The following MACROH2A1 variants were observed in gnomAD, a reference collection of about 807,000 sequenced individuals.
MACROH2A1 encodes the protein macroH2A.1 histone, also known as core histone macro-H2A.1.
In MACROH2A1, 2 loss-of-function variants were observed where a neutral mutation model predicts 31.6. That is an observed-to-expected ratio of 0.06 (90% confidence interval 0.03 to 0.20). The LOEUF is 0.20. Among genes scored for constraint, MACROH2A1 ranks in the 10% least tolerant of loss-of-function variants. MACROH2A1 has a pLI of 1.00. For missense variants in MACROH2A1, 230 were observed against 474.0 expected, an observed-to-expected ratio of 0.49 and a Z score of 4.78; for synonymous variants, 169 against 189.6, an observed-to-expected ratio of 0.89 and a Z score of 0.89.
chr5:135,391,149 T>C (rs1202507359), intron 1 of MACROH2A1, among the ~76,000 whole-genome samples: 1 of 152,210 alleles, frequency 6.6e-6, no homozygotes, highest in Non-Finnish European at 1.5e-5. Flanking sequence ...AAATGATATG[T>C]GTATATGTAT....
rs1762709307 is a variant in MACROH2A1, at chr5:135,360,548, A to G, written c.537T>C (p.Pro179=). The change falls in exon 5 of 9, where the codon CCT becomes CCC. Residue 179 remains proline, a synonymous_variant. Transcript: ENST00000511689. ...TGGAGAGGACTGTGAAGCCGTCGGC[A>G]GGTGTGCCCTCGGTTGTGCTGTCGG... is the stretch of plus-strand genomic sequence containing the variant. ...ASADSTTEGT[P]ADGFTVLSTK... 1.2e-6 allele frequency: 2 copies of G among 1,613,970 alleles called. No homozygotes were observed. Among genetic ancestry groups the G allele is most frequent in the African/African-American group, 2.7e-5 (2 of 74,918 alleles).
At position 135,369,010 on chromosome 5, in the gene MACROH2A1, C is replaced by T. The variant is rs1763857612; in HGVS notation, c.477+396G>A. Among the ~76,000 whole-genome samples the T allele has an allele frequency of 6.6e-6, 1 of 152,258 alleles. No individual in the cohort carries two copies. The highest frequency in any genetic ancestry group is 2.4e-5 in the African/African-American group (1 of 41,462). ...CCATGGCAACATGAGAGTTCTGCAA[C>T]TGAGCATCAGGGCATGCAGGTAGCT... On this transcript the variant is annotated intron_variant, in intron 4 of 8. Transcript: ENST00000511689. The surrounding 1 kb of genome is among the most constrained non-coding windows in gnomAD (Gnocchi z 4.3).
intron 8 of MACROH2A1, among the ~76,000 whole-genome samples, chr5:135,335,660 G>GCAGGGTGTGGCC (rs1398110873): frequency 2.6e-5 from 4 of 152,202 alleles, no homozygotes. Flanking sequence ...CACCCCAGAG[G>GCAGGGTGTGGCC]CCAGAACGCA....
At chr5:135,337,991 G>T (rs1581109593) in intron 8 of MACROH2A1, 19 of 1,202,520 alleles carry the variant, frequency 1.6e-5, no homozygotes, top group Non-Finnish European at 2.0e-5. Context: ...GACTGCGCAG[G>T]CTGCCAGGAA....
intron 6 of MACROH2A1, chr5:135,351,415 A>G (rs2149771132): frequency 6.4e-6 from 1 of 156,986 alleles, no homozygotes; most frequent in African/African-American, 2.4e-5. Context: ...TCTCTTGAAA[A>G]CCCAGAGAAC....
chr5:135,336,157 G>A (rs1758620412), intron 8 of MACROH2A1, among the ~76,000 whole-genome samples: 1 of 152,226 alleles, frequency 6.6e-6, no homozygotes, highest in South Asian at 2.1e-4. Flanking sequence ...TGAGGCACCT[G>A]CTGCCAGGTG....
At chr5:135,366,585 A>T (rs1174105810) in intron 4 of MACROH2A1, among the ~76,000 whole-genome samples, 10 of 151,550 alleles carry the variant, frequency 6.6e-5, no homozygotes, top group African/African-American at 2.2e-4. Context: ...TTTTATTTAA[A>T]AAAAAAAAAA....
chr5:135,378,676 ACTT>A (rs1275946546), intron 2 of MACROH2A1, among the ~76,000 whole-genome samples: 2 of 148,978 alleles, frequency 1.3e-5, no homozygotes, highest in African/African-American at 5.2e-5. Context: ...TGGAGAAGTT[ACTT>A]AAACTCTGAA....
At chr5:135,374,279 C>T (rs540554672) in intron 2 of MACROH2A1, among the ~76,000 whole-genome samples, 23 of 152,332 alleles carry the variant, frequency 1.5e-4, no homozygotes, top group African/African-American at 5.5e-4. Context: ...CAAGATGGAA[C>T]GGTTCCCATC....
At chr5:135,347,703 A>C (rs1297180064) in intron 6 of MACROH2A1, 1 of 152,252 alleles carries the variant, frequency 6.6e-6, no homozygotes, top group Non-Finnish European at 1.5e-5. Flanking sequence ...ACCCCAATAC[A>C]GGTTCACCTA....
intron 6 of MACROH2A1, among the ~76,000 whole-genome samples, chr5:135,350,018 G>T (rs914082998): frequency 2.0e-5 from 3 of 152,058 alleles, no homozygotes; most frequent in African/African-American, 7.2e-5. Flanking sequence ...ATCACACATG[G>T]GTGCCTCCCC....
intron 4 of MACROH2A1, among the ~76,000 whole-genome samples, chr5:135,367,465 T>A (rs1256736349): frequency 6.6e-6 from 1 of 152,230 alleles, no homozygotes; most frequent in African/African-American, 2.4e-5. Context: ...TACTAGGAGC[T>A]AAAGACACCC....
rs1459072063 is a variant in MACROH2A1, at chr5:135,398,563, G to C, written c.-34+499C>G. 6.6e-6 allele frequency among the ~76,000 whole-genome samples: 1 copy of C among 152,198 alleles called. No individual in the cohort carries two copies. The highest frequency in any genetic ancestry group is 2.4e-5 in the African/African-American group (1 of 41,462). ...ATAGCGAGCCAGACGCCTACACCTC[G>C]GCCCCCCGGGGCTCGGGCCCGACTT... On this transcript the variant is annotated intron_variant, in intron 1 of 8. Transcript: ENST00000511689. The surrounding 1 kb of genome is among the most constrained non-coding windows in gnomAD (Gnocchi z 4.6).
At chr5:135,360,446 C>T (rs1762691000) in intron 5 of MACROH2A1, 51 bp downstream of exon 5, 1 of 1,193,244 alleles carries the variant, frequency 8.4e-7, no homozygotes, top group African/African-American at 1.5e-5. Context: ...TAGCCTGTGC[C>T]CACCTGTCCC....
chr5:135,388,572 T>C (rs902245968), intron 2 of MACROH2A1, among the ~76,000 whole-genome samples: 1 of 152,216 alleles, frequency 6.6e-6, no homozygotes, highest in Non-Finnish European at 1.5e-5. Context: ...ATGCAATATA[T>C]GATCCTGAAA....
chr5:135,367,927 T>C (rs1317119080), intron 4 of MACROH2A1, among the ~76,000 whole-genome samples: 1 of 152,248 alleles, frequency 6.6e-6, no homozygotes, highest in African/African-American at 2.4e-5. Flanking sequence ...CTTTCCAATC[T>C]GCTAATTCTA....
chr5:135,393,968 C>A (rs958549465), intron 1 of MACROH2A1, among the ~76,000 whole-genome samples: 13 of 152,286 alleles, frequency 8.5e-5, no homozygotes, highest in African/African-American at 2.6e-4. Flanking sequence ...TGACCACAGG[C>A]CCCTCAGCAA....
Position 135,398,367 on chromosome 5 carries a change from G to C in MACROH2A1, c.-34+695C>G, listed in dbSNP as rs1035403107. Among the ~76,000 whole-genome samples, 1 of 152,166 alleles carries C rather than the reference G, an allele frequency of 6.6e-6. No homozygotes were observed. The highest frequency in any genetic ancestry group is 2.4e-5 in the African/African-American group (1 of 41,436). ...CTTCCGGAGTTACCTTTTAAAAAAA[G>C]CAAACCCTTCCTACCACAAAGCAAA... On this transcript the variant is annotated intron_variant, in intron 1 of 8. Transcript: ENST00000511689. This position sits in a 1 kb window ranked among gnomAD's most constrained non-coding sequence, Gnocchi z 4.6.
Position 135,353,028 on chromosome 5 carries a change from A to C in MACROH2A1, c.606T>G (p.Ser202Arg). ...CAAAGCCGGCTAAATTACTGATTTC[A>C]CTGTGAATAAGGTTCAGCTGCAAAG... ...FLGQKLNLIH[S>R]EISNLAGFEV... The change falls in exon 6 of 9, where the codon AGT becomes AGG. Residue 202 changes from serine (S) to arginine (R), a missense_variant. Ser to Arg is a moderately radical substitution (Grantham distance 110). Transcript: ENST00000511689. 1 of 1,603,774 alleles carries C rather than the reference A, an allele frequency of 6.2e-7. No homozygotes were observed. The highest frequency in any genetic ancestry group is 8.5e-7 in the Non-Finnish European group (1 of 1,170,608).
Sources: gnomAD v4.1 joint callset for allele counts (sites outside exome capture counted in the v4.1 genomes callset) on GRCh38, gnomAD v4.1.1 for gene constraint, Gnocchi (gnomAD v3.1) non-coding constraint, MANE v1.5 for transcripts, NCBI Gene and HGNC (gene_info 2026-07-23, HGNC 2026-07-21) for gene names.